The following FAM120A variants were observed in gnomAD, a reference collection of about 807,000 sequenced individuals.
FAM120A encodes the protein constitutive coactivator of PPAR-gamma-like protein 1.
FAM120A carries 15 observed loss-of-function variants against 109.7 expected under a neutral mutation model. The ratio of observed to expected loss-of-function variants is 0.14; its 90% CI spans 0.09 to 0.21. The LOEUF is 0.21. Among genes scored for constraint, FAM120A ranks in the 10% least tolerant of loss-of-function variants. FAM120A has a pLI of 1.00. For missense variants in FAM120A, 899 were observed against 1,439.3 expected, an observed-to-expected ratio of 0.62 and a Z score of 6.07; for synonymous variants, 493 against 572.8, an observed-to-expected ratio of 0.86 and a Z score of 1.99.
At chr9:93,561,310 CT>C (rs1458420298) in intron 16 of FAM120A, 60 bp downstream of exon 16, 41 of 1,505,246 alleles carry the variant, frequency 2.7e-5, no homozygotes, top group Middle Eastern at 1.8e-4. Context: ...TTCTAACTTG[CT>C]TTTTTTTGGA....
At chr9:93,458,770 C>G (rs140062975) in intron 1 of FAM120A, among the ~76,000 whole-genome samples, 2,406 of 152,242 alleles carry the variant, frequency 0.016, 31 homozygotes, top group South Asian at 0.084. Context: ...GCACCTACCC[C>G]CGCGCCCCAG....
At chr9:93,515,588 A>G in intron 5 of FAM120A, 79 bp from the exon 6 acceptor site, 1 of 315,298 alleles carries the variant, frequency 3.2e-6, no homozygotes, top group South Asian at 2.5e-5. Context: ...CCCTGGCGCC[A>G]TGGGCTGGCC....
intron 5 of FAM120A, among the ~76,000 whole-genome samples, chr9:93,506,428 T>G (rs1032987884): frequency 6.6e-6 from 1 of 152,208 alleles, no homozygotes; most frequent in African/African-American, 2.4e-5. Context: ...GTCTTATATT[T>G]TCAAATTAAT....
chr9:93,468,410 A>G (rs1858151207), intron 1 of FAM120A, among the ~76,000 whole-genome samples: 2 of 152,178 alleles, frequency 1.3e-5, no homozygotes, highest in Admixed American at 1.3e-4. Context: ...GGAGAGACAT[A>G]TATGTAAAAG....
At chr9:93,541,429 G>A (rs1357501935) in intron 10 of FAM120A, among the ~76,000 whole-genome samples, 1 of 152,142 alleles carries the variant, frequency 6.6e-6, no homozygotes, top group African/African-American at 2.4e-5. Context: ...CACAGGATCG[G>A]GGTGGGGGCA....
intron 3 of FAM120A, among the ~76,000 whole-genome samples, chr9:93,484,477 G>A (rs936086183): frequency 2.0e-5 from 3 of 152,214 alleles, no homozygotes; most frequent in Non-Finnish European, 4.4e-5. Context: ...GAAAGATACC[G>A]TGTTGGTAGT....
intron 13 of FAM120A, among the ~76,000 whole-genome samples, chr9:93,557,091 A>G (rs1404178550): frequency 2.0e-5 from 3 of 150,578 alleles, no homozygotes; most frequent in Non-Finnish European, 4.4e-5. Context: ...CTTCAGCACT[A>G]CACTTGGAGA....
chr9:93,521,582 TA>T (rs1220512076), intron 7 of FAM120A, among the ~76,000 whole-genome samples: 625 of 139,194 alleles, frequency 4.5e-3, no homozygotes, highest in Non-Finnish European at 4.6e-3. Flanking sequence ...CCCTGTCTCT[TA>T]AAAAAAAAAA....
intron 1 of FAM120A, among the ~76,000 whole-genome samples, chr9:93,459,746 C>T (rs954519619): frequency 6.6e-6 from 1 of 152,112 alleles, no homozygotes; most frequent in Non-Finnish European, 1.5e-5. Context: ...TTGGTTGTCA[C>T]AGCTGGGGGA....
chr9:93,497,608 AAAAACAAAC>A lies in FAM120A; in HGVS notation c.933+18_933+26del, dbSNP rs1284291736. 1.3e-6 allele frequency: 2 copies of A among 1,591,796 alleles called. No individual in the cohort carries two copies. The highest frequency in any genetic ancestry group is 1.9e-5 in the Admixed American group (1 of 52,716). On this transcript the variant is annotated intron_variant, in intron 4 of 17. Transcript: ENST00000277165. Reference sequence around the variant, plus strand: ...TTTTCCAGCATTCACAGGTAAAAAAAAAAACAAACAAAACAAAAAAACAGATTCATGGGA... The same window carrying A: ...TTTTCCAGCATTCACAGGTAAAAAAAAAAACAAAAAAACAGATTCATGGGA...
At chr9:93,519,252 T>G (rs1024739630) in intron 7 of FAM120A, among the ~76,000 whole-genome samples, 1 of 152,158 alleles carries the variant, frequency 6.6e-6, no homozygotes, top group African/African-American at 2.4e-5. Flanking sequence ...TATTTTTAAA[T>G]TTTTTTGAGA....
intron 10 of FAM120A, among the ~76,000 whole-genome samples, chr9:93,538,870 A>G (rs1407294938): frequency 1.4e-5 from 2 of 138,172 alleles, no homozygotes; most frequent in African/African-American, 4.9e-5. Context: ...CTGATGGAAA[A>G]CATTGAGTTT....
chr9:93,494,101 G>C (rs755727689), intron 3 of FAM120A, among the ~76,000 whole-genome samples: 4 of 152,144 alleles, frequency 2.6e-5, no homozygotes, highest in Non-Finnish European at 4.4e-5. Flanking sequence ...GCCCCATCAC[G>C]GGTTCTTAGT....
chr9:93,529,751 CTG>C (rs1390388960), intron 9 of FAM120A, 171 bp downstream of exon 9: 1 of 663,624 alleles, frequency 1.5e-6, no homozygotes, highest in South Asian at 1.8e-5. Flanking sequence ...ACATTTATAA[CTG>C]TAAATAGTTT....
chr9:93,546,566 A>G (rs532323614), intron 11 of FAM120A, among the ~76,000 whole-genome samples: 2 of 152,304 alleles, frequency 1.3e-5, no homozygotes, highest in Admixed American at 1.3e-4. Context: ...GGAAGAGGCC[A>G]TGCATGCAGC....
chr9:93,541,263 C>T (rs1861689218), intron 10 of FAM120A, among the ~76,000 whole-genome samples: 1 of 152,128 alleles, frequency 6.6e-6, no homozygotes. Flanking sequence ...CCTGTTTTCT[C>T]TTGGGGTGGA....
intron 10 of FAM120A, 86 bp from the exon 11 acceptor site, chr9:93,543,136 A>G (rs1271053491): frequency 4.6e-6 from 7 of 1,509,568 alleles, no homozygotes; most frequent in Non-Finnish European, 4.5e-6. Context: ...TCTTTAGACC[A>G]GTTACTAGAG....
At chr9:93,484,218 G>A (rs1344254662) in intron 3 of FAM120A, among the ~76,000 whole-genome samples, 1 of 152,068 alleles carries the variant, frequency 6.6e-6, no homozygotes, top group East Asian at 1.9e-4. Flanking sequence ...ACCACACCCA[G>A]CTTCTGTCTT....
Position 93,554,623 on chromosome 9 carries a change from A to G in FAM120A, c.2275-1759A>G, listed in dbSNP as rs1022587587. 2.6e-5 allele frequency among the ~76,000 whole-genome samples: 4 copies of G among 152,188 alleles called. No individual in the cohort carries two copies. In the East Asian group the frequency reaches 7.7e-4, roughly 29 times the overall value. On this transcript the variant is annotated intron_variant, in intron 12 of 17. Coordinates refer to ENST00000277165, the MANE Select transcript of FAM120A (RefSeq NM_014612.5). ...GGGAGGCAGAGGTTGCAGTGAGCCA[A>G]GATTGCACCATTGCACTCCAGCGTG...
Sources: allele counts gnomAD v4.1 joint callset (sites outside exome capture counted in the v4.1 genomes callset), GRCh38; gene constraint gnomAD v4.1.1; transcripts MANE v1.5; gene names NCBI Gene and HGNC (gene_info 2026-07-23, HGNC 2026-07-21).